TXN2: variants seen among roughly 807,000 people sequenced by gnomAD.
The protein encoded by TXN2 is thioredoxin, mitochondrial.
Under a neutral mutation model 14.6 loss-of-function variants are expected in TXN2, and 12 were observed. The ratio of observed to expected loss-of-function variants is 0.82; its 90% CI spans 0.53 to 1.33. The LOEUF (loss-of-function observed/expected upper bound fraction) is 1.33, where lower values mean the gene tolerates loss of function less well. Among genes scored for constraint, TXN2 ranks in the 40% most tolerant of loss-of-function variants. The probability of loss-of-function intolerance (pLI) is 0.00; values close to 1 mark genes in which losing one functional copy is unlikely to be tolerated. For synonymous variants in TXN2, 89 were observed against 81.0 expected (o/e 1.10, Z -0.53); for missense variants, 173 against 207.7 (o/e 0.83, Z 1.03).
At chr22:36,480,085 G>A (rs1180742627) in intron 2 of TXN2, among the ~76,000 whole-genome samples, 2 of 152,192 alleles carry the variant, frequency 1.3e-5, no homozygotes, top group African/African-American at 4.8e-5. Context: ...GTATCACCAT[G>A]TTGGCCAGGC....
chr22:36,470,156 GA>G (rs1482658982), intron 3 of TXN2, among the ~76,000 whole-genome samples: 1 of 152,198 alleles, frequency 6.6e-6, no homozygotes, highest in African/African-American at 2.4e-5. Flanking sequence ...TGGTAGTTAG[GA>G]AAGGCACGCA....
chr22:36,480,446 T>A, intron 2 of TXN2, 129 bp downstream of exon 2: 1 of 1,207,544 alleles, frequency 8.3e-7, no homozygotes, highest in South Asian at 1.5e-5. Context: ...GGGCAGGGAC[T>A]GGGCCTGACC....
chr22:36,477,001 T>C (rs1430690558), intron 2 of TXN2, 145 bp from the exon 3 acceptor site: 2 of 1,375,022 alleles, frequency 1.5e-6, no homozygotes, highest in Non-Finnish European at 1.9e-6. Flanking sequence ...CACCAAATGG[T>C]AATGCCAGGA....
intron 2 of TXN2, among the ~76,000 whole-genome samples, chr22:36,478,472 T>C (rs1418984792): frequency 6.6e-6 from 1 of 152,150 alleles, no homozygotes; most frequent in Non-Finnish European, 1.5e-5. Flanking sequence ...GGCTGACAAC[T>C]CCTATTTTAT....
At chr22:36,470,966 T>C (rs1028904719) in intron 3 of TXN2, among the ~76,000 whole-genome samples, 1 of 147,922 alleles carries the variant, frequency 6.8e-6, no homozygotes, top group African/African-American at 2.7e-5. Flanking sequence ...CACACACGCA[T>C]ACACACATAT....
intron 2 of TXN2, among the ~76,000 whole-genome samples, chr22:36,478,987 C>T (rs867945738): frequency 2.0e-5 from 3 of 151,840 alleles, no homozygotes; most frequent in African/African-American, 4.8e-5. Flanking sequence ...TCAGGCCTGG[C>T]GCAGTGGTTC....
At chr22:36,470,316 G>T (rs913620936) in intron 3 of TXN2, among the ~76,000 whole-genome samples, 2 of 152,190 alleles carry the variant, frequency 1.3e-5, no homozygotes, top group African/African-American at 4.8e-5. Flanking sequence ...GGCTGTCCCT[G>T]GGCTGATGTG....
Position 36,467,908 on chromosome 22 carries a change from C to T in TXN2, c.397G>A (p.Val133Met). Residue 133 changes from valine (V) to methionine (M), a missense_variant, in exon 4 of 4, where the codon GTG becomes ATG. Physicochemically the swap from Val to Met is conservative, Grantham distance 21. Transcript: ENST00000216185. ...DLAIEYEVSA[V>M]PTVLAMKNGD... Reference sequence around the variant, plus strand: ...TTCTTCATGGCCAGCACAGTGGGCACCGCTGACACCTGGGTGGAGAGGACA... The same window carrying T: ...TTCTTCATGGCCAGCACAGTGGGCATCGCTGACACCTGGGTGGAGAGGACA... The T allele has an allele frequency of 6.2e-7, 1 of 1,614,116 alleles. No homozygotes were observed. The highest frequency in any genetic ancestry group is 1.3e-5 in the African/African-American group (1 of 75,070).
At chr22:36,475,036 T>C (rs1349872567) in intron 3 of TXN2, among the ~76,000 whole-genome samples, 2 of 152,240 alleles carry the variant, frequency 1.3e-5, no homozygotes, top group African/African-American at 4.8e-5. Context: ...CTTCCTGTTT[T>C]TGCCCAAAGG....
At chr22:36,471,364 G>A (rs771818962) in intron 3 of TXN2, among the ~76,000 whole-genome samples, 4 of 152,042 alleles carry the variant, frequency 2.6e-5, no homozygotes, top group Admixed American at 6.6e-5. Flanking sequence ...CCCGTAGCTC[G>A]CCTGCACCGC....
chr22:36,481,405 T>C (rs748890910), intron 1 of TXN2, 159 bp downstream of exon 1: 3 of 171,556 alleles, frequency 1.7e-5, no homozygotes, highest in East Asian at 1.9e-4. Context: ...AGAAGGGACA[T>C]GTGTGGAGGG....
intron 2 of TXN2, among the ~76,000 whole-genome samples, chr22:36,477,885 C>G (rs1034109650): frequency 1.3e-5 from 2 of 152,112 alleles, no homozygotes; most frequent in Non-Finnish European, 2.9e-5. Flanking sequence ...GCCTATAATT[C>G]CAGCACTTTG....
chr22:36,472,265 C>T (rs1048326907), intron 3 of TXN2, among the ~76,000 whole-genome samples: 7 of 152,028 alleles, frequency 4.6e-5, no homozygotes, highest in Admixed American at 1.3e-4. Context: ...GATCAAGAGT[C>T]GCCAGGCCTG....
intron 2 of TXN2, among the ~76,000 whole-genome samples, chr22:36,480,037 C>T (rs1343193572): frequency 6.6e-6 from 1 of 152,118 alleles, no homozygotes; most frequent in South Asian, 2.1e-4. Flanking sequence ...GCACACACCA[C>T]CACGCCTAGC....
chr22:36,467,515 G>A lies in TXN2; in HGVS notation c.*289C>T, dbSNP rs1933184809. ...GCCTGACTAGGAACGCTGTGGGCTG[G>A]CCCAGGCTCTCGCCACACATCCTGG... On this transcript the variant is annotated 3_prime_UTR_variant, in exon 4 of 4. Transcript: ENST00000216185. 7.7e-6 allele frequency: 3 copies of A among 389,640 alleles called. No individual in the cohort carries two copies. Among genetic ancestry groups the A allele is most frequent in the South Asian group, 2.8e-5 (1 of 35,648 alleles). The allele number at this position is 389,640 out of a possible 1,614,324, so 24.1% of individuals were successfully genotyped here.
chr22:36,481,484 G>T, intron 1 of TXN2, 80 bp downstream of exon 1: 1 of 781,854 alleles, frequency 1.3e-6, no homozygotes, highest in Non-Finnish European at 1.6e-6. Flanking sequence ...CGCCCGCCCG[G>T]CCGCCAGCCT....
chr22:36,470,885 C>T (rs541897874), intron 3 of TXN2, among the ~76,000 whole-genome samples: 8 of 152,138 alleles, frequency 5.3e-5, no homozygotes, highest in African/African-American at 1.7e-4. Context: ...GTCAGGTAGA[C>T]AGCAGATGTG....
intron 2 of TXN2, 79 bp from the exon 3 acceptor site, chr22:36,476,935 T>C: frequency 1.3e-6 from 2 of 1,583,076 alleles, no homozygotes; most frequent in Non-Finnish European, 1.7e-6. Context: ...GACCTGCATC[T>C]TTCCAAGGAA....
chr22:36,480,708 C>G lies in TXN2; in HGVS notation c.130G>C (p.Val44Leu), dbSNP rs774261417. 3.7e-6 allele frequency: 6 copies of G among 1,613,978 alleles called. No individual in the cohort carries two copies. The highest frequency in any genetic ancestry group is 3.4e-6 in the Non-Finnish European group (4 of 1,180,028). The change falls in exon 2 of 4, where the codon GTA (valine) becomes CTA (leucine). Residue 44 changes from valine to leucine, a missense_variant. Coordinates refer to ENST00000216185, the MANE Select transcript of TXN2 (RefSeq NM_012473.4). ...ATTGTCCGGGCTGGGTTGGGTGTTACAGTCAGGCCACCAGGACTGCATTGT... is the reference window on the plus strand; with the variant it reads ...ATTGTCCGGGCTGGGTTGGGTGTTAGAGTCAGGCCACCAGGACTGCATTGT... ...TPQCSPGGLT[V>L]TPNPARTIYT...
Sources: allele counts gnomAD v4.1 joint callset (sites outside exome capture counted in the v4.1 genomes callset), GRCh38; gene constraint gnomAD v4.1.1; transcripts MANE v1.5; gene names NCBI Gene and HGNC (gene_info 2026-07-23, HGNC 2026-07-21).